Variants in CDKN2A observed in about 807,000 individuals in gnomAD.
CDKN2A encodes the protein cyclin-dependent kinase inhibitor 2A.
In CDKN2A, 3 loss-of-function variants were observed where a neutral mutation model predicts 11.1. The ratio of observed to expected loss-of-function variants is 0.27; its 90% CI spans 0.12 to 0.70. The LOEUF is 0.70. CDKN2A is among the 30% of genes least tolerant of loss of function. The pLI, the probability that CDKN2A is intolerant of heterozygous loss-of-function variation, is 0.77. For synonymous variants in CDKN2A, 122 were observed against 108.1 expected (o/e 1.13, Z -0.80); for missense variants, 265 against 233.6 (o/e 1.13, Z -0.88).
At chr9:21,987,432 CAG>C (rs57973132) in intron 2 of CDKN2A, among the ~76,000 whole-genome samples, 8,928 of 137,660 alleles carry the variant, frequency 0.065, 350 homozygotes, top group East Asian at 0.16. Context: ...CACACACACA[CAG>C]AGAGAGAGAG....
intron 1 of CDKN2A, among the ~76,000 whole-genome samples, chr9:21,972,440 A>C (rs2131102306): frequency 6.6e-6 from 1 of 152,318 alleles, no homozygotes; most frequent in East Asian, 1.9e-4. Context: ...GAATGGAAGC[A>C]CAGGCCACAG....
At chr9:21,979,970 G>A (rs1345867744) in intron 2 of CDKN2A, among the ~76,000 whole-genome samples, 1 of 152,174 alleles carries the variant, frequency 6.6e-6, no homozygotes, top group African/African-American at 2.4e-5. Flanking sequence ...AGATACTTGA[G>A]AAGGTAGTGT....
At position 21,971,029 on chromosome 9, in the gene CDKN2A, C is replaced by T. The variant is rs121913389; in HGVS notation, c.330G>A (p.Trp110Ter). The change falls in exon 2 of 3, where the codon TGG becomes TGA. Residue 110 changes from tryptophan to a stop codon, truncating the protein, a stop_gained. Transcript: ENST00000304494. LOFTEE classifies it high-confidence loss of function. ...CAGCCAGGTCCACGGGCAGACGGCC[C>T]CAGGCATCGCGCACGTCCAGCCGCG... ...AGARLDVRDA[W>*]GRLPVDLAEE... 6.2e-7 allele frequency: 1 copy of T among 1,606,536 alleles called. No homozygotes were observed. The highest frequency in any genetic ancestry group is 8.5e-7 in the Non-Finnish European group (1 of 1,179,472).
At chr9:21,971,503 A>G (rs1391250588) in intron 1 of CDKN2A, 2 of 545,670 alleles carry the variant, frequency 3.7e-6, no homozygotes, top group East Asian at 3.6e-5. Flanking sequence ...CTTTTACTCC[A>G]GGCTAACTTC....
rs864622570 is a variant in CDKN2A at position 21,971,149 on chromosome 9, G to A, written c.210C>T (p.Pro70=). The A allele has an allele frequency of 1.3e-6, 2 of 1,594,112 alleles. No homozygotes were observed. Among genetic ancestry groups the A allele is most frequent in the Non-Finnish European group, 1.7e-6 (2 of 1,176,720 alleles). Residue 70 remains proline, a synonymous_variant, in exon 2 of 3, where the codon CCC becomes CCT. Transcript: ENST00000304494. ...TGAGAGTGGCGGGGTCGGCGCAGTT[G>A]GGCTCCGCGCCGTGGAGCAGCAGCA... ...AELLLLHGAE[P]NCADPATLTR...
At chr9:21,979,720 T>C (rs2131123487), upstream of CDKN2A, among the ~76,000 whole-genome samples, 1 of 152,278 alleles carries the variant, frequency 6.6e-6, no homozygotes, top group East Asian at 1.9e-4. Flanking sequence ...ATACCTCTTA[T>C]GAGTAGAGAG....
chr9:21,974,035 C>T lies in CDKN2A; in HGVS notation c.150+643G>A, dbSNP rs570325666. Among the ~76,000 whole-genome samples, 7 of 152,176 alleles carry T rather than the reference C, an allele frequency of 4.6e-5. No individual in the cohort carries two copies. The East Asian group carries it at 1.4e-3, about 29-fold the overall frequency. On this transcript the variant is annotated intron_variant, in intron 1 of 2. Coordinates refer to ENST00000304494, the MANE Select transcript of CDKN2A (RefSeq NM_000077.5). This position sits in a 1 kb window ranked among gnomAD's most constrained non-coding sequence, Gnocchi z 5.2. The stretch of plus-strand genomic sequence containing the variant: ...CCTCCCGAGTAGCTGGGATTACAGG[C>T]GCCTGCCACCACCCCCGGCTACTTT...
At position 21,967,758 on chromosome 9, in the gene CDKN2A, A is replaced by C; in HGVS notation, c.*471T>G. On this transcript the variant is annotated 3_prime_UTR_variant, in exon 3 of 3. Transcript: ENST00000304494. Reference sequence around the variant, plus strand: ...AATAAATGTTGACAATAAATGAGTGAATGAATGAAAATTATTTTATTTTTA... The same window carrying C: ...AATAAATGTTGACAATAAATGAGTGCATGAATGAAAATTATTTTATTTTTA... The C allele has an allele frequency of 3.4e-6, 1 of 294,942 alleles. No individual in the cohort carries two copies. The highest frequency in any genetic ancestry group is 5.2e-5 in the East Asian group (1 of 19,284). 18.3% of individuals were successfully genotyped at this position (294,942 alleles called of 1,614,324 possible).
chr9:21,986,520 C>T (rs1384191595), intron 2 of CDKN2A, among the ~76,000 whole-genome samples: 1 of 151,888 alleles, frequency 6.6e-6, no homozygotes. Flanking sequence ...CCATGGGCAA[C>T]CAAGTTCAAC....
chr9:21,970,821 C>T, intron 2 of CDKN2A, 81 bp downstream of exon 2: 3 of 1,556,190 alleles, frequency 1.9e-6, no homozygotes, highest in South Asian at 2.3e-5. Context: ...GTCTCCCGGG[C>T]TGAACTTTCT....
intron 2 of CDKN2A, among the ~76,000 whole-genome samples, chr9:21,990,746 T>C (rs1381944391): frequency 1.3e-5 from 2 of 152,174 alleles, no homozygotes; most frequent in African/African-American, 4.8e-5. Flanking sequence ...TACCTGATGA[T>C]CCAGAATGTA....
In CDKN2A at chr9:21,970,758, G is replaced by C. The variant is rs1438005319; in HGVS notation, c.457+144C>G. ...CCCTGGCGGGGCAGGGCGATAGGGA[G>C]ACTCAGGCCGTCCCACCGATTGGCG... On this transcript the variant is annotated intron_variant, in intron 2 of 2. Transcript: ENST00000304494. The C allele has an allele frequency of 3.9e-6, 4 of 1,017,314 alleles. No homozygotes were observed. In the Admixed American group the frequency reaches 8.0e-5, roughly 20 times the overall value. 63.0% of individuals were successfully genotyped at this position (1,017,314 alleles called of 1,614,324 possible).
intron 2 of CDKN2A, 177 bp downstream of exon 2, chr9:21,970,725 A>G (rs1819666087): frequency 1.3e-6 from 1 of 756,856 alleles, no homozygotes; most frequent in Non-Finnish European, 2.2e-6. Flanking sequence ...ATTATTTCCC[A>G]TTTGCCGCCC....
chr9:21,981,773 C>G (rs1587348162), intron 2 of CDKN2A, among the ~76,000 whole-genome samples: 1 of 151,942 alleles, frequency 6.6e-6, no homozygotes, highest in Non-Finnish European at 1.5e-5. Context: ...ATAATCGAGT[C>G]CAATGTGGGT....
At chr9:21,977,243 T>G (rs1371920086), upstream of CDKN2A, among the ~76,000 whole-genome samples, 11 of 152,190 alleles carry the variant, frequency 7.2e-5, no homozygotes, top group Admixed American at 7.2e-4. Flanking sequence ...AATAAAATTA[T>G]TTTAGTTTAG....
intron 2 of CDKN2A, among the ~76,000 whole-genome samples, chr9:21,983,840 G>A (rs1024581109): frequency 6.6e-6 from 1 of 152,006 alleles, no homozygotes; most frequent in Admixed American, 6.5e-5. Context: ...ACATATGCAA[G>A]TGGGACAAGC....
Position 21,991,019 on chromosome 9 carries a change from G to A in CDKN2A, c.-4+2863C>T, listed in dbSNP as rs957291387. Among the ~76,000 whole-genome samples, 2 of 152,148 alleles carry A rather than the reference G, an allele frequency of 1.3e-5. No individual in the cohort carries two copies. The highest frequency in any genetic ancestry group is 2.9e-5 in the Non-Finnish European group (2 of 68,018). On this transcript the variant is annotated intron_variant, in intron 2 of 3. Transcript: ENST00000494262. This position sits in a 1 kb window ranked among gnomAD's most constrained non-coding sequence, Gnocchi z 5.2. ...TTAGTAGTTAGGTATATGAGAATCA[G>A]AATTCAGATAATTTGTCTTAAAAAT...
chr9:21,976,342 ACC>A (rs1820028924), upstream of CDKN2A, among the ~76,000 whole-genome samples: 1 of 141,364 alleles, frequency 7.1e-6, no homozygotes, highest in African/African-American at 2.7e-5. Context: ...TCGCGCCACC[ACC>A]CTCCAGCCTG....
rs1336690499 is a variant in CDKN2A, at chr9:21,988,911, G to C, written c.-4+4971C>G. On this transcript the variant is annotated intron_variant, in intron 2 of 3. Coordinates refer to the CDKN2A transcript ENST00000494262. This position sits in a 1 kb window ranked among gnomAD's most constrained non-coding sequence, Gnocchi z 4.1. ...TTTGCCATTCCCTTTAGATGGAAAC[G>C]TTCTTTGGTCCACCAAGCCCTATCG... Among the ~76,000 whole-genome samples the C allele has an allele frequency of 6.6e-6, 1 of 152,132 alleles. No homozygotes were observed. Among genetic ancestry groups the C allele is most frequent in the Non-Finnish European group, 1.5e-5 (1 of 68,016 alleles).
Sources: allele counts gnomAD v4.1 joint callset (sites outside exome capture counted in the v4.1 genomes callset), GRCh38; gene constraint gnomAD v4.1.1; non-coding constraint Gnocchi (gnomAD v3.1); transcripts MANE v1.5; gene names NCBI Gene and HGNC (gene_info 2026-07-23, HGNC 2026-07-21).